The following ACOT7 variants were observed in gnomAD, a reference collection of about 807,000 sequenced individuals.
The protein encoded by ACOT7 is acyl-CoA thioesterase 7, also known as cytosolic acyl coenzyme A thioester hydrolase.
A neutral mutation model predicts 40.2 loss-of-function variants in ACOT7; 12 were observed. That is an observed-to-expected ratio of 0.30 (90% confidence interval 0.19 to 0.48). ACOT7 has a LOEUF of 0.48. ACOT7 is among the 20% of genes least tolerant of loss of function. The probability of loss-of-function intolerance (pLI) is 0.99; values close to 1 mark genes in which losing one functional copy is unlikely to be tolerated. For missense variants in ACOT7, 395 were observed against 530.8 expected (o/e 0.74, Z 2.51); for synonymous variants, 228 against 219.5 (o/e 1.04, Z -0.34).
rs1254678796 is a variant in ACOT7, at chr1:6,358,969, C to A, written c.144-9103G>T. On this transcript the variant is annotated intron_variant, in intron 1 of 8. Coordinates refer to ENST00000361521, the MANE Select transcript of ACOT7 (RefSeq NM_007274.4). This position sits in a 1 kb window ranked among gnomAD's most constrained non-coding sequence, Gnocchi z 4.1. ...CCACACCGGGCTTGGTGGGGAGCAC[C>A]CCCCACCCCCAGCTTCCTGAGCTGC... The A allele has an allele frequency of 7.6e-6, 11 of 1,456,630 alleles. No homozygotes were observed. The highest frequency in any genetic ancestry group is 1.0e-5 in the Non-Finnish European group (11 of 1,087,248). 90.2% of individuals were successfully genotyped at this position (1,456,630 alleles called of 1,614,324 possible). A position where few individuals can be genotyped will look rare whatever the true frequency, so the allele number is the denominator to read the frequency against.
intron 7 of ACOT7, among the ~76,000 whole-genome samples, chr1:6,291,805 C>G (rs943947543): frequency 6.6e-6 from 1 of 152,158 alleles, no homozygotes; most frequent in African/African-American, 2.4e-5. Context: ...GTGAGGCCAG[C>G]CCCCCGCGGT....
chr1:6,297,652 C>G (rs3789499), intron 6 of ACOT7, among the ~76,000 whole-genome samples: 52,639 of 152,128 alleles, frequency 0.35, 13,696 homozygotes, highest in African/African-American at 0.74. Context: ...GAGCACCTGG[C>G]GAGATGTGAA....
At chr1:6,325,573 T>A (rs903344533) in intron 5 of ACOT7, among the ~76,000 whole-genome samples, 1 of 152,120 alleles carries the variant, frequency 6.6e-6, no homozygotes, top group Non-Finnish European at 1.5e-5. Context: ...GAAACCGACC[T>A]ACCCAGTCCC....
intron 2 of ACOT7, among the ~76,000 whole-genome samples, chr1:6,341,785 C>T (rs909083164): frequency 3.3e-5 from 5 of 152,174 alleles, no homozygotes; most frequent in African/African-American, 1.2e-4. Context: ...TTCAAATAGG[C>T]GACCCATTCT....
In ACOT7 at chr1:6,282,877, C is replaced by G; in HGVS notation, c.830-1591G>C. On this transcript the variant is annotated intron_variant, in intron 7 of 8. Transcript: ENST00000361521. The surrounding 1 kb of genome is among the most constrained non-coding windows in gnomAD (Gnocchi z 4.5). ...AGGAGGGCAGGCCATGGGTCAGGCC[C>G]CAGCTAAGGAGCTAGAAGTTTCAAC... is the stretch of plus-strand genomic sequence containing the variant. 1.9e-6 allele frequency: 2 copies of G among 1,029,144 alleles called. No homozygotes were observed. Among genetic ancestry groups the G allele is most frequent in the Non-Finnish European group, 2.7e-6 (2 of 738,268 alleles). The allele number at this position is 1,029,144 out of a possible 1,614,324, so 63.8% of individuals were successfully genotyped here. A position where few individuals can be genotyped will look rare whatever the true frequency, so the allele number is the denominator to read the frequency against.
Position 6,291,875 on chromosome 1 carries a change from C to T in ACOT7, c.829+2989G>A, listed in dbSNP as rs114732868. Reference sequence around the variant, plus strand: ...AGAGCCAGCAGGGGCCGTGCCTCCCCGCACAGCCTCGCTCTGTTTCCCTAC... The same window carrying T: ...AGAGCCAGCAGGGGCCGTGCCTCCCTGCACAGCCTCGCTCTGTTTCCCTAC... On this transcript the variant is annotated intron_variant, in intron 7 of 8. Coordinates refer to ENST00000361521, the MANE Select transcript of ACOT7 (RefSeq NM_007274.4). 3.5e-3 allele frequency among the ~76,000 whole-genome samples: 540 copies of T among 152,312 alleles called. 6 individuals are homozygous for T. The highest frequency in any genetic ancestry group is 0.012 in the African/African-American group (494 of 41,564).
chr1:6,374,923 A>G (rs777404119), intron 1 of ACOT7, among the ~76,000 whole-genome samples: 2 of 152,196 alleles, frequency 1.3e-5, no homozygotes, highest in East Asian at 1.9e-4. Context: ...GATCAGTTAC[A>G]TGGCTGAAGT....
intron 6 of ACOT7, among the ~76,000 whole-genome samples, chr1:6,315,629 T>C (rs1042688436): frequency 6.6e-6 from 1 of 151,838 alleles, no homozygotes; most frequent in Non-Finnish European, 1.5e-5. Context: ...CGGGCACCTG[T>C]AGTCCCAGCT....
intron 8 of ACOT7, among the ~76,000 whole-genome samples, chr1:6,279,149 G>A (rs1057120899): frequency 2.0e-5 from 3 of 152,206 alleles, no homozygotes; most frequent in South Asian, 2.1e-4. Flanking sequence ...TGGAGAAGGC[G>A]TGTCCAAGGT....
intron 1 of ACOT7, among the ~76,000 whole-genome samples, chr1:6,370,783 A>C (rs1227809255): frequency 6.7e-6 from 1 of 150,148 alleles, no homozygotes; most frequent in Non-Finnish European, 1.5e-5. Flanking sequence ...ATGAGTCACC[A>C]CGCACAGCCA....
chr1:6,267,013 C>G (rs1638871453), intron 8 of ACOT7, among the ~76,000 whole-genome samples: 1 of 152,226 alleles, frequency 6.6e-6, no homozygotes, highest in Non-Finnish European at 1.5e-5. Flanking sequence ...AGCCTGGCCC[C>G]TCGGCTCGGG....
intron 8 of ACOT7, among the ~76,000 whole-genome samples, chr1:6,267,127 C>G (rs1189143241): frequency 6.6e-6 from 1 of 152,198 alleles, no homozygotes; most frequent in Non-Finnish European, 1.5e-5. Flanking sequence ...GCGAGCCTGG[C>G]CCAGGAAAGG....
rs114535876 is a variant in ACOT7, at chr1:6,334,346, C to A, written c.419-778G>T. On this transcript the variant is annotated intron_variant, in intron 3 of 8. Coordinates refer to ENST00000361521, the MANE Select transcript of ACOT7 (RefSeq NM_007274.4). ...GTCTAAGCACTGCCAAGAACTCCCG[C>A]CAAACGGGGAAGCCCAGAAAGACAC... 9.0e-4 allele frequency among the ~76,000 whole-genome samples: 137 copies of A among 152,374 alleles called. 1 individual carries two copies. The highest frequency in any genetic ancestry group is 3.0e-3 in the African/African-American group (124 of 41,590).
Position 6,275,817 on chromosome 1 carries a change from G to A in ACOT7, c.1014+5285C>T, listed in dbSNP as rs553761143. On this transcript the variant is annotated intron_variant, in intron 8 of 8. Transcript: ENST00000361521. The surrounding 1 kb of genome is among the most constrained non-coding windows in gnomAD (Gnocchi z 5.6). ...TTTCGGTGGCTAAAGACTGAAGCTC[G>A]GAGTCCTGGGCTGGCCACCTCGGGA... Among the ~76,000 whole-genome samples the A allele has an allele frequency of 1.2e-4, 19 of 152,094 alleles. No homozygotes were observed. In the East Asian group the frequency reaches 2.1e-3, roughly 17 times the overall value.
At chr1:6,276,814 A>T (rs1236975866) in intron 8 of ACOT7, among the ~76,000 whole-genome samples, 1 of 152,156 alleles carries the variant, frequency 6.6e-6, no homozygotes, top group Non-Finnish European at 1.5e-5. Context: ...GGGCCCCAGG[A>T]CACCTCAGTG....
At chr1:6,360,432 C>T in intron 1 of ACOT7, 1 of 1,255,026 alleles carries the variant, frequency 8.0e-7, no homozygotes. Flanking sequence ...GGCCCATCTT[C>T]CTGAGTAGCC....
chr1:6,372,928 A>T (rs1642159223), intron 1 of ACOT7, among the ~76,000 whole-genome samples: 1 of 152,154 alleles, frequency 6.6e-6, no homozygotes, highest in Non-Finnish European at 1.5e-5. Flanking sequence ...TAATTGGTCT[A>T]ATTTCAAAAT....
At chr1:6,302,465 C>T (rs1003318145) in intron 6 of ACOT7, among the ~76,000 whole-genome samples, 5 of 152,066 alleles carry the variant, frequency 3.3e-5, no homozygotes, top group African/African-American at 9.7e-5. Context: ...GGATCAGAGG[C>T]GGGAGCAGAA....
At position 6,274,105 on chromosome 1, in the gene ACOT7, G is replaced by T. The variant is rs908898467; in HGVS notation, c.1014+6997C>A. Among the ~76,000 whole-genome samples the T allele has an allele frequency of 6.6e-6, 1 of 152,184 alleles. No individual in the cohort carries two copies. The highest frequency in any genetic ancestry group is 2.1e-4 in the South Asian group (1 of 4,826). ...CAGGCCCCTCTGCACACCGTGCCTG[G>T]GGGTCAGGCAGGTCCTGGGGGTGGG... is the stretch of plus-strand genomic sequence containing the variant. On this transcript the variant is annotated intron_variant, in intron 8 of 8. Transcript: ENST00000361521. This position sits in a 1 kb window ranked among gnomAD's most constrained non-coding sequence, Gnocchi z 5.9.
Sources: gnomAD v4.1 joint callset for allele counts (sites outside exome capture counted in the v4.1 genomes callset) on GRCh38, gnomAD v4.1.1 for gene constraint, Gnocchi (gnomAD v3.1) non-coding constraint, MANE v1.5 for transcripts, NCBI Gene and HGNC (gene_info 2026-07-23, HGNC 2026-07-21) for gene names.